Variants in PRICKLE1 observed in about 807,000 individuals in gnomAD.
PRICKLE1 encodes the protein prickle-like protein 1.
Under a neutral mutation model 70.2 loss-of-function variants are expected in PRICKLE1, and 14 were observed. That is an observed-to-expected ratio of 0.20 (90% CI 0.13 to 0.31). The LOEUF is 0.31. Among genes scored for constraint, PRICKLE1 ranks in the 10% least tolerant of loss-of-function variants. The pLI is 1.00. For missense variants in PRICKLE1, 821 were observed against 1,026.2 expected (o/e 0.80, Z 2.73); for synonymous variants, 357 against 379.9 (o/e 0.94, Z 0.70).
chr12:42,470,509 A>C, intron 2 of PRICKLE1, 150 bp from the exon 3 acceptor site: 1 of 675,376 alleles, frequency 1.5e-6, no homozygotes, highest in Middle Eastern at 2.5e-4. Flanking sequence ...AGAACTGCAA[A>C]CCTTCAGATA....
At chr12:42,563,702 C>CAA (rs11367725) in intron 1 of PRICKLE1, among the ~76,000 whole-genome samples, 252 of 46,322 alleles carry the variant, frequency 5.4e-3, no homozygotes, top group Middle Eastern at 0.024. Context: ...GACTCTGTCT[C>CAA]AAAAAAAAAA....
At chr12:42,542,421 T>C (rs10880313) in intron 1 of PRICKLE1, among the ~76,000 whole-genome samples, 74,331 of 151,886 alleles carry the variant, frequency 0.49, 18,875 homozygotes, top group East Asian at 0.59. Flanking sequence ...GAGGCCAAGA[T>C]GGGTGGATCA....
intron 1 of PRICKLE1, among the ~76,000 whole-genome samples, chr12:42,562,058 C>T (rs1274761311): frequency 3.3e-5 from 5 of 151,902 alleles, no homozygotes; most frequent in South Asian, 2.1e-4. Flanking sequence ...ATTAGAGGCA[C>T]GTGCCACTGC....
intron 1 of PRICKLE1, among the ~76,000 whole-genome samples, chr12:42,485,182 TA>T (rs554027806): frequency 4.8e-4 from 72 of 150,562 alleles, no homozygotes; most frequent in African/African-American, 1.7e-3. Context: ...ATCAGTCAAG[TA>T]AATCACTCTG....
At chr12:42,556,074 T>C (rs956783373) in intron 1 of PRICKLE1, among the ~76,000 whole-genome samples, 2 of 152,246 alleles carry the variant, frequency 1.3e-5, no homozygotes, top group African/African-American at 2.4e-5. Context: ...TTATTTTCTG[T>C]AATTCAGGCA....
chr12:42,477,389 A>AT (rs1938587907), intron 1 of PRICKLE1, among the ~76,000 whole-genome samples: 1 of 81,936 alleles, frequency 1.2e-5, no homozygotes, highest in Non-Finnish European at 2.5e-5. Context: ...AAACAAAACA[A>AT]AATATATATA....
In PRICKLE1 at chr12:42,560,103, A is replaced by AATTATTATT. The variant is rs35742688; in HGVS notation, c.-49+29353_-49+29361dup. Reference sequence around the variant, plus strand: ...CACAGATAATTGGGAAATCTCCTTTAATTATTATTATTATTATTATTATTA... The same window carrying AATTATTATT: ...CACAGATAATTGGGAAATCTCCTTTAATTATTATTATTATTATTATTATTATTATTATTA... On this transcript the variant is annotated intron_variant, in intron 1 of 7. Transcript: ENST00000345127. Among the ~76,000 whole-genome samples, 1,153 of 139,870 alleles carry AATTATTATT rather than the reference A, an allele frequency of 8.2e-3. 8 individuals are homozygous for AATTATTATT. Among genetic ancestry groups the AATTATTATT allele is most frequent in the East Asian group, 0.029 (136 of 4,622 alleles). The allele number at this position is 139,870 out of a possible 152,430, so 91.8% of individuals were successfully genotyped here. A position where few individuals can be genotyped will look rare whatever the true frequency, so the allele number is the denominator to read the frequency against.
chr12:42,536,238 C>A (rs1326841134), intron 1 of PRICKLE1, among the ~76,000 whole-genome samples: 1 of 152,176 alleles, frequency 6.6e-6, no homozygotes, highest in African/African-American at 2.4e-5. Context: ...GGACTTTTGT[C>A]TATTTCCAGA....
chr12:42,541,497 C>G (rs751121869), intron 1 of PRICKLE1, among the ~76,000 whole-genome samples: 1 of 151,910 alleles, frequency 6.6e-6, no homozygotes, highest in Non-Finnish European at 1.5e-5. Flanking sequence ...ACTGCCACGC[C>G]CAGCTAATTT....
chr12:42,504,668 A>T (rs1939373941), intron 1 of PRICKLE1, among the ~76,000 whole-genome samples: 1 of 152,216 alleles, frequency 6.6e-6, no homozygotes, highest in Non-Finnish European at 1.5e-5. Context: ...TCAGGCTAAC[A>T]CAAGGGCGGG....
chr12:42,467,886 C>G (rs1198097217), intron 5 of PRICKLE1, among the ~76,000 whole-genome samples: 1 of 151,980 alleles, frequency 6.6e-6, no homozygotes, highest in African/African-American at 2.4e-5. Flanking sequence ...GAAGATACAA[C>G]GAGTAAATGC....
At chr12:42,523,042 A>G (rs927725508) in intron 1 of PRICKLE1, among the ~76,000 whole-genome samples, 1 of 151,632 alleles carries the variant, frequency 6.6e-6, no homozygotes, top group African/African-American at 2.4e-5. Flanking sequence ...GCTCACTGCA[A>G]CCACCGCCTC....
intron 1 of PRICKLE1, among the ~76,000 whole-genome samples, chr12:42,500,667 T>TTTTTC (rs1939290568): frequency 6.6e-6 from 1 of 151,686 alleles, no homozygotes; most frequent in South Asian, 2.1e-4. Context: ...TAATTTTCTT[T>TTTTTC]TTTTTTTTTT....
Position 42,458,704 on chromosome 12 carries a change from C to T in PRICKLE1, c.*1105G>A, listed in dbSNP as rs953774320. On this transcript the variant is annotated 3_prime_UTR_variant, in exon 8 of 8. Coordinates refer to ENST00000345127, the MANE Select transcript of PRICKLE1 (RefSeq NM_153026.3). ...AAAGTCCTCTGCCACAAAAGCAGAT[C>T]TTTGTCATTTCCCATGAGATAATCA... 1 of 152,210 alleles carries T rather than the reference C, an allele frequency of 6.6e-6. No individual in the cohort carries two copies. The highest frequency in any genetic ancestry group is 1.5e-5 in the Non-Finnish European group (1 of 68,040). The allele number at this position is 152,210 out of a possible 1,614,324, so 9.4% of individuals were successfully genotyped here. A position where few individuals can be genotyped will look rare whatever the true frequency, so the allele number is the denominator to read the frequency against.
chr12:42,484,069 C>G lies in PRICKLE1; in HGVS notation c.-48-11505G>C, dbSNP rs554798592. ...AAAAAGTAACCATTTCGTTTCCTGC[C>G]GATCCCGCCCTTCGATCCCAGCCGG... On this transcript the variant is annotated intron_variant, in intron 1 of 7. Coordinates refer to ENST00000345127, the MANE Select transcript of PRICKLE1 (RefSeq NM_153026.3). 7.4e-5 allele frequency: 11 copies of G among 149,526 alleles called. No homozygotes were observed. The East Asian group carries it at 1.0e-3, about 14-fold the overall frequency. The allele number at this position is 149,526 out of a possible 1,614,324, so 9.3% of individuals were successfully genotyped here.
Position 42,460,775 on chromosome 12 carries a change from T to C in PRICKLE1, c.1640-110A>G. The C allele has an allele frequency of 2.3e-6, 3 of 1,316,486 alleles. No individual in the cohort carries two copies. The East Asian group carries it at 7.1e-5, about 31-fold the overall frequency. 81.6% of individuals were successfully genotyped at this position (1,316,486 alleles called of 1,614,324 possible). A position where few individuals can be genotyped will look rare whatever the true frequency, so the allele number is the denominator to read the frequency against. Reference sequence around the variant, plus strand: ...TTTCAAAGAAAATTTCCAATCTCAATATTTGATTAAAACCCATAGGGAAAG... The same window carrying C: ...TTTCAAAGAAAATTTCCAATCTCAACATTTGATTAAAACCCATAGGGAAAG... On this transcript the variant is annotated intron_variant, in intron 7 of 7. Coordinates refer to ENST00000345127, the MANE Select transcript of PRICKLE1 (RefSeq NM_153026.3).
At chr12:42,553,371 G>A (rs983091092) in intron 1 of PRICKLE1, among the ~76,000 whole-genome samples, 3 of 151,984 alleles carry the variant, frequency 2.0e-5, no homozygotes, top group South Asian at 2.1e-4. Flanking sequence ...GTGAACCGGG[G>A]AGGCAGAGCT....
chr12:42,572,131 A>T (rs1461258909), intron 1 of PRICKLE1, among the ~76,000 whole-genome samples: 2 of 152,108 alleles, frequency 1.3e-5, no homozygotes, highest in Non-Finnish European at 2.9e-5. Flanking sequence ...GCACAGGAAC[A>T]TTGTTTAAAA....
chr12:42,548,467 G>C (rs1940250657), intron 1 of PRICKLE1, among the ~76,000 whole-genome samples: 1 of 152,214 alleles, frequency 6.6e-6, no homozygotes, highest in African/African-American at 2.4e-5. Flanking sequence ...CCCAAAGAGG[G>C]TCATAGGGTA....
Sources: gnomAD v4.1 joint callset for allele counts (sites outside exome capture counted in the v4.1 genomes callset) on GRCh38, gnomAD v4.1.1 for gene constraint, MANE v1.5 for transcripts, NCBI Gene and HGNC (gene_info 2026-07-23, HGNC 2026-07-21) for gene names.